Variants in EPHA6 observed in about 807,000 individuals in gnomAD.
The protein encoded by EPHA6 is ephrin type-A receptor 6.
In EPHA6, 50 loss-of-function variants were observed where a neutral mutation model predicts 112.0. The ratio of observed to expected loss-of-function variants is 0.45; its 90% CI spans 0.36 to 0.56. EPHA6 has a LOEUF of 0.56. Ranked by LOEUF, EPHA6 falls within the 20% of genes least tolerant of loss-of-function variation. The probability of loss-of-function intolerance (pLI) is 0.00; values close to 1 mark genes in which losing one functional copy is unlikely to be tolerated. For synonymous variants in EPHA6, 529 were observed against 490.7 expected, an observed-to-expected ratio of 1.08 and a Z score of -1.03; for missense variants, 1,280 against 1,417.4, an observed-to-expected ratio of 0.90 and a Z score of 1.56.
chr3:97,274,446 A>G (rs2079998310), intron 5 of EPHA6, among the ~76,000 whole-genome samples: 1 of 152,236 alleles, frequency 6.6e-6, no homozygotes, highest in Non-Finnish European at 1.5e-5. Flanking sequence ...TTTATTAAAC[A>G]GGCATTAATG....
At chr3:97,539,138 CT>C (rs1315323387) in intron 11 of EPHA6, among the ~76,000 whole-genome samples, 7 of 133,032 alleles carry the variant, frequency 5.3e-5, no homozygotes, top group Admixed American at 3.1e-4. Context: ...TTCTTTCTTT[CT>C]TTCTTTCTTC....
At chr3:97,348,799 G>A (rs1318098740) in intron 5 of EPHA6, among the ~76,000 whole-genome samples, 2 of 151,968 alleles carry the variant, frequency 1.3e-5, no homozygotes, top group African/African-American at 4.8e-5. Flanking sequence ...TAGACAATTG[G>A]GATGGGGCTC....
At chr3:97,183,243 C>A (rs2077038632) in intron 3 of EPHA6, among the ~76,000 whole-genome samples, 1 of 151,926 alleles carries the variant, frequency 6.6e-6, no homozygotes, top group South Asian at 2.1e-4. Context: ...TGTACTTTCC[C>A]AAATATCATC....
At chr3:97,379,984 C>A (rs922662445) in intron 5 of EPHA6, among the ~76,000 whole-genome samples, 1 of 151,976 alleles carries the variant, frequency 6.6e-6, no homozygotes, top group Non-Finnish European at 1.5e-5. Flanking sequence ...ATTTGCAAAG[C>A]TCATCCAGGA....
At chr3:96,935,761 A>ATGTGTGTG (rs141358511) in intron 2 of EPHA6, among the ~76,000 whole-genome samples, 1 of 147,858 alleles carries the variant, frequency 6.8e-6, no homozygotes, top group South Asian at 2.1e-4. Flanking sequence ...CATTATATAT[A>ATGTGTGTG]TGTGTGTGTG....
intron 14 of EPHA6, among the ~76,000 whole-genome samples, chr3:97,678,608 T>C (rs2031601262): frequency 6.6e-6 from 1 of 152,226 alleles, no homozygotes; most frequent in Non-Finnish European, 1.5e-5. Flanking sequence ...GATTTAATTA[T>C]AACTTTATTA....
At chr3:97,470,729 C>T (rs538464718) in intron 7 of EPHA6, among the ~76,000 whole-genome samples, 23 of 151,558 alleles carry the variant, frequency 1.5e-4, no homozygotes, top group Non-Finnish European at 2.5e-4. Flanking sequence ...TTATGCCAAA[C>T]GCTGTTGCTC....
Position 96,917,749 on chromosome 3 carries a change from A to G in EPHA6, c.450+50860A>G, listed in dbSNP as rs560556782. Among the ~76,000 whole-genome samples the G allele has an allele frequency of 1.1e-3, 172 of 150,370 alleles. 2 individuals carry two copies. The South Asian group carries it at 0.017, about 15-fold the overall frequency. ...TCATTACACTCACACCCTGAAAGGG[A>G]AAAAAAAAATGTCTCACCAAACAAA... On this transcript the variant is annotated intron_variant, in intron 2 of 17. Transcript: ENST00000389672.
At position 97,562,510 on chromosome 3, in the gene EPHA6, C is replaced by T. The variant is rs143179598; in HGVS notation, c.2386+29967C>T. ...AGATGGGGCTGAATTATTGTAATCT[C>T]ATGATAGAACTTTAATGGACAAGGA... On this transcript the variant is annotated intron_variant, in intron 11 of 17. Coordinates refer to ENST00000389672, the MANE Select transcript of EPHA6 (RefSeq NM_001080448.3). 2.7e-3 allele frequency among the ~76,000 whole-genome samples: 406 copies of T among 152,204 alleles called. 4 individuals carry two copies. Among genetic ancestry groups the T allele is most frequent in the African/African-American group, 9.0e-3 (372 of 41,550 alleles).
chr3:96,904,045 G>C (rs1179155995), intron 2 of EPHA6, among the ~76,000 whole-genome samples: 2 of 152,104 alleles, frequency 1.3e-5, no homozygotes, highest in African/African-American at 4.8e-5. Context: ...GGAAGTCAGT[G>C]TGGCGATTCC....
intron 6 of EPHA6, among the ~76,000 whole-genome samples, chr3:97,426,759 A>G (rs966364817): frequency 1.3e-5 from 2 of 152,136 alleles, no homozygotes; most frequent in Non-Finnish European, 2.9e-5. Flanking sequence ...TAACTAGACA[A>G]CCTACAGAAT....
At chr3:97,339,255 A>G (rs2083198117) in intron 5 of EPHA6, among the ~76,000 whole-genome samples, 1 of 152,214 alleles carries the variant, frequency 6.6e-6, no homozygotes, top group Non-Finnish European at 1.5e-5. Flanking sequence ...TGCAGGACAT[A>G]TGTAAACAAA....
intron 11 of EPHA6, among the ~76,000 whole-genome samples, chr3:97,542,864 CGT>C (rs1251512711): frequency 6.6e-6 from 1 of 152,110 alleles, no homozygotes; most frequent in African/African-American, 2.4e-5. Flanking sequence ...AGCATTTTTT[CGT>C]GTGTTTTTTG....
chr3:97,675,852 A>C (rs2031325598), intron 14 of EPHA6, among the ~76,000 whole-genome samples: 1 of 152,194 alleles, frequency 6.6e-6, no homozygotes, highest in African/African-American at 2.4e-5. Context: ...AAATGTATGC[A>C]GGAGTTTAAA....
At chr3:97,080,984 G>A (rs2046702096) in intron 3 of EPHA6, among the ~76,000 whole-genome samples, 1 of 151,908 alleles carries the variant, frequency 6.6e-6, no homozygotes, top group South Asian at 2.1e-4. Context: ...AAAACTAGAA[G>A]TGCTTTTGTA....
chr3:97,515,660 G>A (rs1400445674), intron 10 of EPHA6, among the ~76,000 whole-genome samples: 1 of 152,038 alleles, frequency 6.6e-6, no homozygotes, highest in Non-Finnish European at 1.5e-5. Context: ...ACATTCTAGG[G>A]GTAGATGTAT....
intron 2 of EPHA6, among the ~76,000 whole-genome samples, chr3:96,929,993 C>A (rs1318578614): frequency 6.6e-6 from 1 of 152,198 alleles, no homozygotes; most frequent in East Asian, 1.9e-4. Context: ...ATTCTTTCCA[C>A]AGCTTAGCCA....
At chr3:97,107,679 A>T (rs1308722948) in intron 3 of EPHA6, among the ~76,000 whole-genome samples, 1 of 152,084 alleles carries the variant, frequency 6.6e-6, no homozygotes, top group African/African-American at 2.4e-5. Context: ...GTACATCTCC[A>T]ATCTTTTTCA....
chr3:97,105,684 G>C (rs552549937), intron 3 of EPHA6, among the ~76,000 whole-genome samples: 1 of 152,090 alleles, frequency 6.6e-6, no homozygotes, highest in Non-Finnish European at 1.5e-5. Context: ...ATCCAAGGTT[G>C]AGTTCAGCTC....
Sources: gnomAD v4.1 joint callset for allele counts (sites outside exome capture counted in the v4.1 genomes callset) on GRCh38, gnomAD v4.1.1 for gene constraint, MANE v1.5 for transcripts, NCBI Gene and HGNC (gene_info 2026-07-23, HGNC 2026-07-21) for gene names.